NAV3: variants seen among roughly 807,000 people sequenced by gnomAD.
NAV3 encodes the protein neuron navigator 3, also known as pore membrane and/or filament interacting like protein 1.
NAV3 carries 87 observed loss-of-function variants against 244.7 expected under a neutral mutation model. The ratio of observed to expected loss-of-function variants is 0.36; its 90% confidence interval spans 0.30 to 0.42. The LOEUF is 0.42. Among genes scored for constraint, NAV3 ranks in the 20% least tolerant of loss-of-function variants. The pLI, the probability that NAV3 is intolerant of heterozygous loss-of-function variation, is 1.00. For synonymous variants in NAV3, 1,126 were observed against 1,042.2 expected, an observed-to-expected ratio of 1.08 and a Z score of -1.55; for missense variants, 2,663 against 2,893.3, an observed-to-expected ratio of 0.92 and a Z score of 1.83.
chr12:78,095,763 AGGTTT>A (rs1292332984), intron 12 of NAV3, among the ~76,000 whole-genome samples: 3 of 152,164 alleles, frequency 2.0e-5, no homozygotes, highest in Non-Finnish European at 2.9e-5. Context: ...GGAGCAATCT[AGGTTT>A]TTGTCTTGGG....
intron 1 of NAV3, among the ~76,000 whole-genome samples, chr12:77,845,606 GT>G (rs1388028107): frequency 6.7e-6 from 1 of 148,372 alleles, no homozygotes; most frequent in Non-Finnish European, 1.5e-5. Context: ...TCTTTTAGAG[GT>G]TTTCTATTTT....
chr12:77,581,690 A>G (rs1292747044), intron 2 of NAV3, among the ~76,000 whole-genome samples: 1 of 152,214 alleles, frequency 6.6e-6, no homozygotes, highest in Admixed American at 6.5e-5. Flanking sequence ...CACTCAAATT[A>G]GTAATCCTGC....
chr12:78,200,993 ACTCC>A (rs371740265), intron 38 of NAV3, among the ~76,000 whole-genome samples: 318 of 105,504 alleles, frequency 3.0e-3, no homozygotes, highest in African/African-American at 0.011. Flanking sequence ...TTCCTTCCTC[ACTCC>A]CTCCCTCCCT....
chr12:77,765,353 T>C (rs937735733), intron 2 of NAV3, among the ~76,000 whole-genome samples: 2 of 152,206 alleles, frequency 1.3e-5, no homozygotes, highest in Non-Finnish European at 2.9e-5. Context: ...CCCTGAAATC[T>C]AGGTACCATG....
chr12:77,732,393 A>G (rs77610722), intron 2 of NAV3, among the ~76,000 whole-genome samples: 2 of 152,082 alleles, frequency 1.3e-5, no homozygotes, highest in Non-Finnish European at 2.9e-5. Context: ...GGCTCTTCTC[A>G]CTGCTTTATG....
chr12:78,023,265 G>A (rs537493128), intron 9 of NAV3, among the ~76,000 whole-genome samples: 142 of 152,062 alleles, frequency 9.3e-4, no homozygotes, highest in African/African-American at 3.3e-3. Flanking sequence ...AATATATCAC[G>A]GTATATCTGA....
At chr12:77,642,758 G>A (rs1307630531) in intron 2 of NAV3, among the ~76,000 whole-genome samples, 1 of 151,706 alleles carries the variant, frequency 6.6e-6, no homozygotes, top group East Asian at 1.9e-4. Context: ...TTCTTTTGTA[G>A]TTTACTCAAA....
Position 77,769,251 on chromosome 12 carries a change from G to C in NAV3, c.73-171068G>C, listed in dbSNP as rs555364223. 7.2e-4 allele frequency among the ~76,000 whole-genome samples: 109 copies of C among 152,328 alleles called. No individual in the cohort carries two copies. The Middle Eastern group carries it at 0.017, about 24-fold the overall frequency. On this transcript the variant is annotated intron_variant, in intron 2 of 8. Coordinates refer to the NAV3 transcript ENST00000550042. ...TATGAAACAATTCTTAGTCAAGACT[G>C]TGTTTGATATAAATTACATTTGATA...
At chr12:78,095,264 A>G (rs1195734064) in intron 12 of NAV3, among the ~76,000 whole-genome samples, 1 of 152,150 alleles carries the variant, frequency 6.6e-6, no homozygotes, top group African/African-American at 2.4e-5. Context: ...TGTAGGCACC[A>G]TAATGAGATA....
intron 2 of NAV3, among the ~76,000 whole-genome samples, chr12:77,649,485 G>A (rs927120320): frequency 2.0e-5 from 3 of 151,986 alleles, no homozygotes; most frequent in South Asian, 2.1e-4. Context: ...ACATCATGCT[G>A]TTTGCATCTA....
chr12:78,202,697 C>T (rs1327942436), intron 38 of NAV3, among the ~76,000 whole-genome samples: 3 of 151,894 alleles, frequency 2.0e-5, no homozygotes, highest in Non-Finnish European at 4.4e-5. Context: ...ATGAATCAAC[C>T]GTGATTTAGG....
rs200725892 is a variant in NAV3 at position 78,051,167 on chromosome 12, G to A, written c.2516+20G>A. 284 of 1,584,940 alleles carry A rather than the reference G, an allele frequency of 1.8e-4. No homozygotes were observed. Among genetic ancestry groups the A allele is most frequent in the African/African-American group, 5.1e-4 (38 of 74,584 alleles). ...CAGTGGGTAAGTAACCCTGTTCTCCGTCAGCATTGTGTGAAGAGGGGAGGT... is the reference window on the plus strand; with the variant it reads ...CAGTGGGTAAGTAACCCTGTTCTCCATCAGCATTGTGTGAAGAGGGGAGGT... On this transcript the variant is annotated intron_variant, in intron 11 of 39. Transcript: ENST00000397909.
intron 16 of NAV3, among the ~76,000 whole-genome samples, chr12:78,126,805 C>T (rs1335265396): frequency 1.3e-5 from 2 of 152,156 alleles, no homozygotes; most frequent in Admixed American, 6.5e-5. Context: ...CAGAGCAGAT[C>T]TATCTCATTT....
chr12:78,205,038 A>T lies in NAV3; in HGVS notation c.6938A>T (p.Gln2313Leu), dbSNP rs1960142622. ...TLPQESPALL[Q>L]LRPEDVGYES... is the part of the protein sequence containing the mutation. Reference sequence around the variant, plus strand: ...CCTCAGGAGAGCCCAGCCTTACTTCAGCTGCGACCAGAAGATGTTGGGTAT... The same window carrying T: ...CCTCAGGAGAGCCCAGCCTTACTTCTGCTGCGACCAGAAGATGTTGGGTAT... The change falls in exon 39 of 40, where the codon CAG becomes CTG. Residue 2313 changes from glutamine (Q) to leucine (L), a missense_variant. This residue lies in a region of NAV3 where 543 missense variants were observed against 672.4 expected (regional missense o/e 0.81). Transcript: ENST00000397909. The T allele has an allele frequency of 6.2e-7, 1 of 1,613,474 alleles. No individual in the cohort carries two copies.
At chr12:77,618,321 C>T (rs891805665) in intron 2 of NAV3, among the ~76,000 whole-genome samples, 72 of 152,166 alleles carry the variant, frequency 4.7e-4, no homozygotes, top group African/African-American at 1.7e-3. Context: ...AATTAGTTAC[C>T]CTGAGCAATA....
intron 1 of NAV3, among the ~76,000 whole-genome samples, chr12:77,917,228 A>G (rs1887237778): frequency 6.6e-6 from 1 of 152,008 alleles, no homozygotes; most frequent in South Asian, 2.1e-4. Flanking sequence ...TTATAACTAA[A>G]TGGCACATAT....
At position 78,050,924 on chromosome 12, in the gene NAV3, C is replaced by T. The variant is rs572701178; in HGVS notation, c.2293C>T (p.Arg765Cys). 9.9e-6 allele frequency: 16 copies of T among 1,614,046 alleles called. No individual in the cohort carries two copies. Among genetic ancestry groups the T allele is most frequent in the Middle Eastern group, 1.6e-4 (1 of 6,062 alleles). ...TCCCTCCCTGGGTGCTGGCTATCCT[C>T]GCAGTGGTACCAGTCGATTCATCCA... is the stretch of plus-strand genomic sequence containing the variant. The part of the protein sequence containing the change: ...DAPSLGAGYP[R>C]SGTSRFIHTD... Residue 765 changes from arginine to cysteine, a missense_variant, in exon 11 of 40, where the codon CGC becomes TGC. Coordinates refer to ENST00000397909, the MANE Select transcript of NAV3 (RefSeq NM_001024383.2).
intron 1 of NAV3, among the ~76,000 whole-genome samples, chr12:77,938,907 C>A: frequency 6.8e-6 from 1 of 147,062 alleles, no homozygotes. Flanking sequence ...AAATTTGAGC[C>A]AAATTTGGTT....
chr12:78,204,573 A>C, intron 38 of NAV3, among the ~76,000 whole-genome samples: 1 of 152,110 alleles, frequency 6.6e-6, no homozygotes, highest in East Asian at 1.9e-4. Flanking sequence ...ATATTTTTTA[A>C]AATCTTCCAT....
Sources: allele counts gnomAD v4.1 joint callset (sites outside exome capture counted in the v4.1 genomes callset), GRCh38; gene constraint gnomAD v4.1.1; regional missense constraint gnomAD v4.1.1; transcripts MANE v1.5; gene names NCBI Gene and HGNC (gene_info 2026-07-23, HGNC 2026-07-21).